KBTBD11: variants seen among roughly 807,000 people sequenced by gnomAD.
The protein encoded by KBTBD11 is kelch repeat and BTB domain containing 11.
For synonymous variants in KBTBD11, 747 were observed against 499.0 expected, an observed-to-expected ratio of 1.50 and a Z score of -6.63; for missense variants, 1,390 against 1,001.8, an observed-to-expected ratio of 1.39 and a Z score of -5.23.
chr8:1,983,701 A>G (rs1453604738), intron 1 of KBTBD11, among the ~76,000 whole-genome samples: 1 of 152,234 alleles, frequency 6.6e-6, no homozygotes, highest in Non-Finnish European at 1.5e-5. Context: ...AGTCTTGTGC[A>G]AATAAGACCA....
chr8:1,981,050 C>T (rs1222004887), intron 1 of KBTBD11, among the ~76,000 whole-genome samples: 1 of 152,132 alleles, frequency 6.6e-6, no homozygotes, highest in Non-Finnish European at 1.5e-5. Context: ...ATTTTAGCGC[C>T]AACACTAATT....
At chr8:1,992,124 C>A (rs1476700938) in intron 1 of KBTBD11, among the ~76,000 whole-genome samples, 1 of 152,096 alleles carries the variant, frequency 6.6e-6, no homozygotes, top group Non-Finnish European at 1.5e-5. Context: ...ACTCTGGCCC[C>A]ACCTGTTCAT....
Position 2,002,612 on chromosome 8 carries a change from G to A in KBTBD11, c.1420G>A (p.Asp474Asn). ...CCTCTTCTATCGCCTGCTCAAGTAT[G>A]ACCCGCGGCGCGACGAGTGGCAGGA... ...GSLFYRLLKYDPRRDEWQECP... is the reference protein window; with the variant it reads ...GSLFYRLLKYNPRRDEWQECP... The change falls in exon 2 of 2, where the codon GAC becomes AAC. Residue 474 changes from aspartate to asparagine, a missense_variant. Transcript: ENST00000320248. The surrounding 1 kb of genome is among the most constrained non-coding windows in gnomAD (Gnocchi z 4.1). 1 of 1,584,200 alleles carries A rather than the reference G, an allele frequency of 6.3e-7. No individual in the cohort carries two copies. Among genetic ancestry groups the A allele is most frequent in the Non-Finnish European group, 8.5e-7 (1 of 1,173,972 alleles).
intron 1 of KBTBD11, among the ~76,000 whole-genome samples, chr8:1,994,004 G>C (rs1817039567): frequency 6.6e-6 from 1 of 151,410 alleles, no homozygotes; most frequent in Non-Finnish European, 1.5e-5. Flanking sequence ...GCAATTCCAT[G>C]AGCTCGTGCA....
intron 1 of KBTBD11, among the ~76,000 whole-genome samples, chr8:1,989,344 T>A (rs920861540): frequency 6.6e-6 from 1 of 152,214 alleles, no homozygotes; most frequent in African/African-American, 2.4e-5. Flanking sequence ...CTTTCAGTAC[T>A]TCCAGATCTG....
At chr8:1,999,741 G>T (rs2129315691) in intron 1 of KBTBD11, among the ~76,000 whole-genome samples, 1 of 152,246 alleles carries the variant, frequency 6.6e-6, no homozygotes, top group Non-Finnish European at 1.5e-5. Flanking sequence ...TCATGCTGTT[G>T]GCTGAAGCTG....
In KBTBD11 at chr8:1,973,714, C is replaced by A. The variant is rs1003499253; in HGVS notation, c.-1130C>A. 3.0e-6 allele frequency: 3 copies of A among 983,702 alleles called. No homozygotes were observed. The South Asian group carries it at 1.4e-4, about 46-fold the overall frequency. The allele number at this position is 983,702 out of a possible 1,614,324, so 60.9% of individuals were successfully genotyped here. On this transcript the variant is annotated 5_prime_UTR_variant, in exon 1 of 2. Coordinates refer to ENST00000320248, the MANE Select transcript of KBTBD11 (RefSeq NM_014867.3). ...CGCCCCTCGCAGCCTGGAGCCGGAG[C>A]GCTGGCTCCGCGCGGCCTGGAGAGG... is the stretch of plus-strand genomic sequence containing the variant.
At chr8:1,975,342 C>T (rs114978083) in intron 1 of KBTBD11, 1 of 152,232 alleles carries the variant, frequency 6.6e-6, no homozygotes, top group Non-Finnish European at 1.5e-5. Context: ...TGATGTGTAG[C>T]ACAGCCACGT....
In KBTBD11 at chr8:2,002,941, C is replaced by T. The variant is rs539748266; in HGVS notation, c.1749C>T (p.Gly583=). ...CTGCCCGGGAAGGCGAGGCCGGCGG[C>T]GACGCAGGCCAGGGCGGCGGCTTCG... ...FQPAREGEAG[G]DAGQGGGFEA... The change falls in exon 2 of 2, where the codon GGC becomes GGT. Residue 583 remains glycine (G), a synonymous_variant. Transcript: ENST00000320248. This position sits in a 1 kb window ranked among gnomAD's most constrained non-coding sequence, Gnocchi z 4.1. The T allele has an allele frequency of 9.9e-3, 13,043 of 1,319,808 alleles. 92 individuals carry two copies. Among genetic ancestry groups the T allele is most frequent in the Non-Finnish European group, 0.012 (11,932 of 1,037,180 alleles). The allele number at this position is 1,319,808 out of a possible 1,614,324, so 81.8% of individuals were successfully genotyped here. A position where few individuals can be genotyped will look rare whatever the true frequency, so the allele number is the denominator to read the frequency against.
chr8:1,991,757 CA>C (rs1216907153), intron 1 of KBTBD11, among the ~76,000 whole-genome samples: 3 of 151,858 alleles, frequency 2.0e-5, no homozygotes, highest in African/African-American at 7.3e-5. Flanking sequence ...AGAAGGTGCC[CA>C]CCGGTGAGTG....
In KBTBD11 at chr8:2,001,145, A is replaced by G; in HGVS notation, c.-48A>G. ...AAGGCTCGACCTTGGCCAGACCTGC[A>G]GGCTGCGGAACCGGGGGCGCGCGGG... On this transcript the variant is annotated 5_prime_UTR_variant, in exon 2 of 2. Transcript: ENST00000320248. 1.5e-6 allele frequency: 2 copies of G among 1,293,768 alleles called. No individual in the cohort carries two copies. The highest frequency in any genetic ancestry group is 3.1e-5 in the African/African-American group (2 of 64,820). 80.1% of individuals were successfully genotyped at this position (1,293,768 alleles called of 1,614,324 possible).
intron 1 of KBTBD11, among the ~76,000 whole-genome samples, chr8:1,979,709 A>G (rs1185402893): frequency 6.6e-6 from 1 of 152,216 alleles, no homozygotes; most frequent in Non-Finnish European, 1.5e-5. Flanking sequence ...GGGGACACAT[A>G]AAAGTACCTA....
chr8:1,984,673 A>G (rs1465198822), intron 1 of KBTBD11, among the ~76,000 whole-genome samples: 1 of 152,170 alleles, frequency 6.6e-6, no homozygotes, highest in East Asian at 1.9e-4. Context: ...CACGTGTGAT[A>G]GGCACTCCAA....
At chr8:1,999,788 G>A (rs1817273359) in intron 1 of KBTBD11, among the ~76,000 whole-genome samples, 1 of 152,192 alleles carries the variant, frequency 6.6e-6, no homozygotes, top group African/African-American at 2.4e-5. Context: ...TCTACAAATG[G>A]TTGTAACCGA....
At chr8:1,975,125 A>G (rs1348750135) in intron 1 of KBTBD11, 1 of 152,226 alleles carries the variant, frequency 6.6e-6, no homozygotes, top group Non-Finnish European at 1.5e-5. Flanking sequence ...GGAGCGTTCC[A>G]TTGCCTTCAG....
intron 1 of KBTBD11, among the ~76,000 whole-genome samples, chr8:1,979,635 A>G (rs767326156): frequency 1.2e-4 from 19 of 152,206 alleles, no homozygotes; most frequent in Non-Finnish European, 2.5e-4. Context: ...TCTCAAAACA[A>G]AACCCTTCAT....
chr8:1,995,025 C>T (rs886816420), intron 1 of KBTBD11, among the ~76,000 whole-genome samples: 5 of 136,844 alleles, frequency 3.7e-5, no homozygotes, highest in African/African-American at 1.4e-4. Context: ...TGCCATTGCA[C>T]TACAGCCTGG....
intron 1 of KBTBD11, among the ~76,000 whole-genome samples, chr8:1,982,768 G>A (rs1277612572): frequency 6.6e-6 from 1 of 150,394 alleles, no homozygotes; most frequent in Non-Finnish European, 1.5e-5. Context: ...TTTTAGACAG[G>A]ATCTCACTGT....
At chr8:1,999,119 C>T (rs1023690206) in intron 1 of KBTBD11, among the ~76,000 whole-genome samples, 5 of 152,136 alleles carry the variant, frequency 3.3e-5, no homozygotes, top group East Asian at 1.9e-4. Flanking sequence ...AGGGAGTGTG[C>T]CAACATTTTA....
Sources: allele counts gnomAD v4.1 joint callset (sites outside exome capture counted in the v4.1 genomes callset), GRCh38; gene constraint gnomAD v4.1.1; non-coding constraint Gnocchi (gnomAD v3.1); transcripts MANE v1.5; gene names NCBI Gene and HGNC (gene_info 2026-07-23, HGNC 2026-07-21).